The following CDH8 variants were observed in gnomAD, a reference collection of about 807,000 sequenced individuals.
CDH8 encodes cadherin-8.
Under a neutral mutation model 68.1 loss-of-function variants are expected in CDH8, and 17 were observed. That is an observed-to-expected ratio of 0.25 (90% CI 0.17 to 0.37). The LOEUF (loss-of-function observed/expected upper bound fraction) is 0.37. Among genes scored for constraint, CDH8 ranks in the 10% least tolerant of loss-of-function variants. The pLI is 1.00. For synonymous variants in CDH8, 372 were observed against 365.1 expected (o/e 1.02, Z -0.21); for missense variants, 763 against 999.3 (o/e 0.76, Z 3.19).
intron 8 of CDH8, among the ~76,000 whole-genome samples, chr16:61,776,909 C>A (rs1960915462): frequency 1.3e-5 from 2 of 152,026 alleles, no homozygotes; most frequent in South Asian, 4.1e-4. Context: ...AGGACACAAG[C>A]TTACTTAAGT....
At chr16:61,969,921 A>G (rs1965311763) in intron 2 of CDH8, among the ~76,000 whole-genome samples, 1 of 152,222 alleles carries the variant, frequency 6.6e-6, no homozygotes, top group Admixed American at 6.5e-5. Flanking sequence ...GCTGAAAAAG[A>G]AATCTGTTCT....
rs201077396 is a variant in CDH8, at chr16:61,809,207, T to TA, written c.1277+8271dup. On this transcript the variant is annotated intron_variant, in intron 7 of 11. Coordinates refer to ENST00000577390, the MANE Select transcript of CDH8 (RefSeq NM_001796.5). ...ATCTCAAAAAAAAAAAAGACTTTAC[T>TA]AAAAAAAAACAAAAAAAGTAACAGG... 1.1e-3 allele frequency among the ~76,000 whole-genome samples: 166 copies of TA among 148,510 alleles called. 1 individual carries two copies. The highest frequency in any genetic ancestry group is 3.3e-3 in the African/African-American group (135 of 40,318).
At chr16:61,952,358 A>C (rs1020955761) in intron 2 of CDH8, among the ~76,000 whole-genome samples, 49 of 152,162 alleles carry the variant, frequency 3.2e-4, no homozygotes, top group African/African-American at 1.1e-3. Flanking sequence ...AGACAGACTT[A>C]TGGTTTTACT....
At chr16:61,660,736 A>T (rs1205044421) in intron 10 of CDH8, among the ~76,000 whole-genome samples, 1 of 152,088 alleles carries the variant, frequency 6.6e-6, no homozygotes, top group Admixed American at 6.6e-5. Flanking sequence ...TCATAGAAAC[A>T]ATGAAGGCCA....
At position 61,894,765 on chromosome 16, in the gene CDH8, G is replaced by A. The variant is rs553709711; in HGVS notation, c.547+6414C>T. 1.1e-4 allele frequency among the ~76,000 whole-genome samples: 17 copies of A among 152,204 alleles called. No individual in the cohort carries two copies. The South Asian group carries it at 1.2e-3, about 11-fold the overall frequency. On this transcript the variant is annotated intron_variant, in intron 3 of 11. Coordinates refer to ENST00000577390, the MANE Select transcript of CDH8 (RefSeq NM_001796.5). ...AATTTTCACATTAAATTAAGAAGTC[G>A]TTGTTCAAGGAGACTTGCCCATCAT...
chr16:62,014,491 G>A (rs1247907708), intron 2 of CDH8, among the ~76,000 whole-genome samples: 1 of 152,166 alleles, frequency 6.6e-6, no homozygotes. Context: ...CAAGGCCAAA[G>A]ATACAATTAA....
chr16:61,707,003 C>G (rs1238340583), intron 10 of CDH8, among the ~76,000 whole-genome samples: 1 of 152,160 alleles, frequency 6.6e-6, no homozygotes, highest in East Asian at 1.9e-4. Context: ...CAAATAACTA[C>G]TTAAGTTACC....
intron 9 of CDH8, among the ~76,000 whole-genome samples, chr16:61,719,042 T>A (rs150904003): frequency 0.011 from 1,608 of 151,338 alleles, 28 homozygotes; most frequent in African/African-American, 0.034. Flanking sequence ...ATATATTGTC[T>A]GGATATTTTT....
chr16:61,921,277 GA>G (rs778747444), intron 2 of CDH8, among the ~76,000 whole-genome samples: 120 of 140,856 alleles, frequency 8.5e-4, no homozygotes, highest in African/African-American at 1.8e-3. Context: ...AATAATAAAA[GA>G]AAAAAAAAAG....
chr16:61,909,710 T>C (rs1964126384), intron 2 of CDH8, among the ~76,000 whole-genome samples: 2 of 152,120 alleles, frequency 1.3e-5, no homozygotes, highest in Non-Finnish European at 2.9e-5. Flanking sequence ...ATGTAACATA[T>C]ACATTTAGAA....
At chr16:61,762,804 T>A (rs1596943895) in intron 8 of CDH8, among the ~76,000 whole-genome samples, 2 of 152,210 alleles carry the variant, frequency 1.3e-5, no homozygotes, top group East Asian at 3.9e-4. Context: ...AGCCAATGAC[T>A]ACTGGAGTCA....
chr16:61,832,253 C>T (rs1248030736), intron 4 of CDH8, among the ~76,000 whole-genome samples: 2 of 151,438 alleles, frequency 1.3e-5, no homozygotes, highest in African/African-American at 2.4e-5. Context: ...TCAAAGAAAA[C>T]AGCACTTCCC....
chr16:61,687,848 G>A (rs1009647415), intron 10 of CDH8, among the ~76,000 whole-genome samples: 1 of 151,988 alleles, frequency 6.6e-6, no homozygotes. Flanking sequence ...TGTAAGCTAA[G>A]AATTGTAGTG....
chr16:62,006,102 C>T (rs1335640033), intron 2 of CDH8, among the ~76,000 whole-genome samples: 1 of 152,166 alleles, frequency 6.6e-6, no homozygotes, highest in African/African-American at 2.4e-5. Context: ...AATATGATCA[C>T]TAGAGAAAAC....
intron 10 of CDH8, among the ~76,000 whole-genome samples, chr16:61,694,871 T>G (rs1964296342): frequency 1.3e-5 from 2 of 151,204 alleles, no homozygotes; most frequent in African/African-American, 4.9e-5. Flanking sequence ...AACCTCCACC[T>G]CCTGGGTTCA....
intron 2 of CDH8, among the ~76,000 whole-genome samples, chr16:61,972,347 C>T (rs1030846903): frequency 6.6e-6 from 1 of 152,118 alleles, no homozygotes; most frequent in African/African-American, 2.4e-5. Context: ...TAATACACTT[C>T]TCAACTCCCT....
At chr16:61,748,451 G>A (rs774329723) in intron 8 of CDH8, among the ~76,000 whole-genome samples, 2 of 151,954 alleles carry the variant, frequency 1.3e-5, no homozygotes, top group African/African-American at 2.4e-5. Context: ...ACTTATAGGC[G>A]CTACAGATAC....
At chr16:61,808,890 A>G (rs1002763721) in intron 7 of CDH8, among the ~76,000 whole-genome samples, 3 of 152,318 alleles carry the variant, frequency 2.0e-5, no homozygotes, top group Admixed American at 6.5e-5. Flanking sequence ...CTGTGTTCCA[A>G]TAAGACTTTA....
chr16:61,955,761 G>C (rs946355337), intron 2 of CDH8, among the ~76,000 whole-genome samples: 1 of 152,108 alleles, frequency 6.6e-6, no homozygotes, highest in African/African-American at 2.4e-5. Context: ...CTCAATTACA[G>C]TGCCTAGTAT....
Sources: gnomAD v4.1 joint callset for allele counts (sites outside exome capture counted in the v4.1 genomes callset) on GRCh38, gnomAD v4.1.1 for gene constraint, MANE v1.5 for transcripts, NCBI Gene and HGNC (gene_info 2026-07-23, HGNC 2026-07-21) for gene names.